TRPM3: variants seen among roughly 807,000 people sequenced by gnomAD.
TRPM3 encodes the protein long transient receptor potential channel 3.
A neutral mutation model predicts 181.2 loss-of-function variants in TRPM3; 77 were observed. That is an observed-to-expected ratio of 0.42 (90% CI 0.35 to 0.51). The LOEUF (loss-of-function observed/expected upper bound fraction) is 0.51, where lower values mean the gene tolerates loss of function less well. Ranked by LOEUF, TRPM3 falls within the 20% of genes least tolerant of loss-of-function variation. The pLI, the probability that TRPM3 is intolerant of heterozygous loss-of-function variation, is 0.01. For synonymous variants in TRPM3, 745 were observed against 796.4 expected, an observed-to-expected ratio of 0.94 and a Z score of 1.09; for missense variants, 1,759 against 2,196.7, an observed-to-expected ratio of 0.80 and a Z score of 3.98.
At chr9:70,668,027 G>A (rs2062089652) in intron 9 of TRPM3, among the ~76,000 whole-genome samples, 1 of 152,202 alleles carries the variant, frequency 6.6e-6, no homozygotes, top group Non-Finnish European at 1.5e-5. Context: ...GAGAATGATA[G>A]TAGATTCTTG....
chr9:70,904,295 C>T (rs569155445), intron 1 of TRPM3, among the ~76,000 whole-genome samples: 62 of 152,258 alleles, frequency 4.1e-4, no homozygotes, highest in Admixed American at 7.2e-4. Flanking sequence ...AGCCCCAAAT[C>T]ATAATGATAT....
rs1053384282 is a variant in TRPM3, at chr9:70,921,452, T to G, written c.178-56941A>C. Among the ~76,000 whole-genome samples the G allele has an allele frequency of 3.9e-5, 6 of 152,344 alleles. No individual in the cohort carries two copies. In the East Asian group the frequency reaches 1.2e-3, roughly 29 times the overall value. On this transcript the variant is annotated intron_variant, in intron 1 of 25. Transcript: ENST00000677713. ...AGAGGAAAGCTACAAACTAGTGCTATTAGCATTAGCCAGGCCTTTCACTTC... is the reference window on the plus strand; with the variant it reads ...AGAGGAAAGCTACAAACTAGTGCTAGTAGCATTAGCCAGGCCTTTCACTTC...
At chr9:71,279,162 A>T (rs2084494313) in intron 1 of TRPM3, among the ~76,000 whole-genome samples, 1 of 152,194 alleles carries the variant, frequency 6.6e-6, no homozygotes, top group Non-Finnish European at 1.5e-5. Flanking sequence ...TTTCTTTAAC[A>T]GATGGGCCTT....
At chr9:71,254,120 A>C (rs1468915186) in intron 1 of TRPM3, among the ~76,000 whole-genome samples, 2 of 152,100 alleles carry the variant, frequency 1.3e-5, no homozygotes, top group Non-Finnish European at 2.9e-5. Flanking sequence ...GTGTTTCACC[A>C]TGTTGGCCAG....
At chr9:71,446,736 CCCGGCTGGCGCT>C in exon 1 of TRPM3, 2 of 1,550,576 alleles carry the variant, frequency 1.3e-6, no homozygotes, top group South Asian at 2.4e-5. Flanking sequence ...GCAAACCTGC[CCCGGCTGGCGCT>C]CCGGCTGCGT....
intron 1 of TRPM3, among the ~76,000 whole-genome samples, chr9:71,087,683 G>A (rs1025223132): frequency 1.5e-4 from 23 of 151,966 alleles, no homozygotes; most frequent in African/African-American, 5.3e-4. Context: ...GCAAGAGAAA[G>A]GAAGAAGCAG....
At chr9:71,229,370 G>A (rs112663148) in intron 1 of TRPM3, among the ~76,000 whole-genome samples, 2 of 152,082 alleles carry the variant, frequency 1.3e-5, no homozygotes, top group Non-Finnish European at 2.9e-5. Flanking sequence ...ACCACTCAAA[G>A]AAAACTTTGG....
chr9:71,121,569 A>T lies in TRPM3; in HGVS notation c.-215T>A. On this transcript the variant is annotated 5_prime_UTR_variant, in exon 1 of 26. Coordinates refer to ENST00000677713, the MANE Select transcript of TRPM3 (RefSeq NM_001366145.2). ...GGATGCACGATTTTGAAGAAGAGGG[A>T]CAGCCTGCACAAAACAGCCTGTGGT... 3.0e-6 allele frequency: 4 copies of T among 1,352,218 alleles called. 1 individual carries two copies. The highest frequency in any genetic ancestry group is 4.0e-5 in the South Asian group (2 of 50,012). 83.8% of individuals were successfully genotyped at this position (1,352,218 alleles called of 1,614,324 possible). A position where few individuals can be genotyped will look rare whatever the true frequency, so the allele number is the denominator to read the frequency against.
chr9:71,118,447 GA>G (rs1283470885), intron 1 of TRPM3, among the ~76,000 whole-genome samples: 1 of 152,158 alleles, frequency 6.6e-6, no homozygotes, highest in Non-Finnish European at 1.5e-5. Flanking sequence ...ATAGGATTAT[GA>G]AGCCATTTCT....
chr9:70,812,488 A>G (rs1391548930), intron 6 of TRPM3, among the ~76,000 whole-genome samples: 2 of 152,192 alleles, frequency 1.3e-5, no homozygotes, highest in African/African-American at 4.8e-5. Flanking sequence ...TAAAATGGCC[A>G]ACCAAGAGCA....
intron 6 of TRPM3, among the ~76,000 whole-genome samples, chr9:70,788,849 G>T (rs765700909): frequency 6.6e-6 from 1 of 152,004 alleles, no homozygotes; most frequent in Admixed American, 6.6e-5. Context: ...TAGGGCTCAC[G>T]CTCCTATGCA....
chr9:70,881,446 A>G (rs1487260669), intron 1 of TRPM3, among the ~76,000 whole-genome samples: 1 of 152,194 alleles, frequency 6.6e-6, no homozygotes, highest in East Asian at 1.9e-4. Context: ...TTGATTACAC[A>G]GTGCATTCTG....
intron 1 of TRPM3, among the ~76,000 whole-genome samples, chr9:71,414,415 C>T (rs1032910605): frequency 1.3e-5 from 2 of 151,990 alleles, no homozygotes; most frequent in African/African-American, 4.8e-5. Context: ...TTTTTCCTTC[C>T]TTTCACAAAG....
At chr9:70,864,722 C>G (rs1251753422) in intron 1 of TRPM3, among the ~76,000 whole-genome samples, 1 of 151,726 alleles carries the variant, frequency 6.6e-6, no homozygotes, top group East Asian at 1.9e-4. Context: ...TATTTAACAT[C>G]ACAATATTGA....
chr9:71,082,884 T>C (rs2064609954), intron 1 of TRPM3, among the ~76,000 whole-genome samples: 1 of 152,112 alleles, frequency 6.6e-6, no homozygotes, highest in Non-Finnish European at 1.5e-5. Flanking sequence ...TAAGAGACTT[T>C]AGAATAGCAA....
chr9:70,660,704 C>A (rs1449920850), intron 9 of TRPM3, among the ~76,000 whole-genome samples: 8 of 151,984 alleles, frequency 5.3e-5, no homozygotes, highest in Non-Finnish European at 1.2e-4. Flanking sequence ...TGAATACATT[C>A]CTGAAAATAT....
chr9:71,001,494 C>CGATCCAAAT (rs1266700771), intron 1 of TRPM3, among the ~76,000 whole-genome samples: 1 of 152,164 alleles, frequency 6.6e-6, no homozygotes, highest in Admixed American at 6.5e-5. Context: ...CTTTTCCTAC[C>CGATCCAAAT]GATCCAAATG....
chr9:71,415,537 A>G (rs1167251067), intron 1 of TRPM3, among the ~76,000 whole-genome samples: 1 of 152,064 alleles, frequency 6.6e-6, no homozygotes. Context: ...TGACACTAAG[A>G]TATACTTTTA....
chr9:71,211,643 G>A (rs1299836658), intron 1 of TRPM3, among the ~76,000 whole-genome samples: 1 of 152,022 alleles, frequency 6.6e-6, no homozygotes, highest in Non-Finnish European at 1.5e-5. Context: ...GTGATATGCT[G>A]GCAATCTTTG....
Sources: allele counts gnomAD v4.1 joint callset (sites outside exome capture counted in the v4.1 genomes callset), GRCh38; gene constraint gnomAD v4.1.1; transcripts MANE v1.5; gene names NCBI Gene and HGNC (gene_info 2026-07-23, HGNC 2026-07-21).